Variants in NLRC5 observed in about 807,000 individuals in gnomAD.
NLRC5 encodes the protein protein NLRC5.
A neutral mutation model predicts 206.9 loss-of-function variants in NLRC5; 114 were observed. The ratio of observed to expected loss-of-function variants is 0.55; its 90% CI spans 0.47 to 0.64. The LOEUF (loss-of-function observed/expected upper bound fraction) is 0.64, where lower values mean the gene tolerates loss of function less well. Among genes scored for constraint, NLRC5 ranks in the 30% least tolerant of loss-of-function variants. NLRC5 has a pLI of 0.00. For missense variants in NLRC5, 2,008 were observed against 2,305.5 expected, an observed-to-expected ratio of 0.87 and a Z score of 2.64; for synonymous variants, 952 against 962.8, an observed-to-expected ratio of 0.99 and a Z score of 0.21.
At position 57,079,210 on chromosome 16, in the gene NLRC5, C is replaced by T; in HGVS notation, c.5166-11C>T. The T allele has an allele frequency of 6.2e-7, 1 of 1,614,040 alleles. No individual in the cohort carries two copies. Among genetic ancestry groups the T allele is most frequent in the Non-Finnish European group, 8.5e-7 (1 of 1,180,012 alleles). ...GGGGTTCCTCTCACAGGTATCTCCCCTACCCTGCAGCTTGGCGGAAAACAA... is the reference window on the plus strand; with the variant it reads ...GGGGTTCCTCTCACAGGTATCTCCCTTACCCTGCAGCTTGGCGGAAAACAA... On this transcript the variant is annotated splice_polypyrimidine_tract_variant and intron_variant, in intron 44 of 48. Coordinates refer to ENST00000688547, the MANE Select transcript of NLRC5 (RefSeq NM_001384950.1).
chr16:56,995,956 A>G (rs943747370), intron 1 of NLRC5, among the ~76,000 whole-genome samples: 2 of 152,190 alleles, frequency 1.3e-5, no homozygotes, highest in Admixed American at 1.3e-4. Context: ...TGAATCGTAA[A>G]GTGACAAATT....
chr16:57,067,592 AG>A, intron 35 of NLRC5, 122 bp downstream of exon 35: 3 of 1,342,918 alleles, frequency 2.2e-6, no homozygotes, highest in Non-Finnish European at 3.2e-6. Flanking sequence ...ACACTTGGCC[AG>A]TGGAGGGGAG....
At chr16:57,013,595 T>G (rs755541104) in intron 1 of NLRC5, 127 of 1,122,904 alleles carry the variant, frequency 1.1e-4, no homozygotes, top group Non-Finnish European at 1.6e-4. Context: ...CTCAACAAGT[T>G]GATTTTCAAG....
At chr16:57,075,912 C>T (rs7203049) in intron 39 of NLRC5, 36,182 of 152,652 alleles carry the variant, frequency 0.24, 5,740 homozygotes, top group African/African-American at 0.46. Context: ...TTATTTATTT[C>T]TATTTTATTT....
At chr16:57,065,339 T>G in intron 33 of NLRC5, 41 bp downstream of exon 33, 1 of 1,410,672 alleles carries the variant, frequency 7.1e-7, no homozygotes, top group Non-Finnish European at 9.6e-7. Flanking sequence ...TCTTCATCTT[T>G]CATAAGCATT....
At chr16:57,019,703 A>G (rs2060456690) in intron 2 of NLRC5, among the ~76,000 whole-genome samples, 2 of 152,314 alleles carry the variant, frequency 1.3e-5, no homozygotes, top group African/African-American at 4.8e-5. Context: ...AGAAGAATAG[A>G]CAACATTTCT....
At chr16:57,039,469 C>T (rs2063007079) in intron 15 of NLRC5, among the ~76,000 whole-genome samples, 1 of 152,112 alleles carries the variant, frequency 6.6e-6, no homozygotes, top group East Asian at 1.9e-4. Context: ...ACCTATCATC[C>T]CAGCACTTTG....
At chr16:57,078,466 GTT>G (rs71383218) in intron 43 of NLRC5, among the ~76,000 whole-genome samples, 44 of 92,200 alleles carry the variant, frequency 4.8e-4, no homozygotes, top group South Asian at 8.2e-4. Context: ...CTGGGACCTT[GTT>G]TTTTTTTTTT....
At chr16:57,067,299 C>G (rs1754411577) in intron 34 of NLRC5, 88 bp from the exon 35 acceptor site, 11 of 1,052,808 alleles carry the variant, frequency 1.0e-5, no homozygotes, top group Non-Finnish European at 1.5e-5. Flanking sequence ...TTATTTACCC[C>G]TACACCATAA....
intron 33 of NLRC5, 28 bp from the exon 34 acceptor site, chr16:57,066,506 C>T (rs1469635103): frequency 1.2e-6 from 2 of 1,611,198 alleles, no homozygotes; most frequent in South Asian, 1.1e-5. Context: ...GCTGCCCGAC[C>T]TCACGTTGGT....
intron 32 of NLRC5, chr16:57,062,757 T>C (rs1164767339): frequency 1.3e-5 from 2 of 152,400 alleles, no homozygotes; most frequent in African/African-American, 4.8e-5. Context: ...AAAATTATTA[T>C]AAAATACACA....
chr16:57,040,811 T>C (rs1870413339), intron 17 of NLRC5, 93 bp downstream of exon 17: 1 of 1,259,132 alleles, frequency 7.9e-7, no homozygotes, highest in Admixed American at 1.9e-5. Flanking sequence ...AGGCCCCACA[T>C]GCTCCCTGAA....
At chr16:57,063,668 C>T (rs1322734918) in intron 32 of NLRC5, among the ~76,000 whole-genome samples, 3 of 150,116 alleles carry the variant, frequency 2.0e-5, no homozygotes, top group African/African-American at 7.4e-5. Flanking sequence ...AGGCGTGAGC[C>T]ACCATGCCCA....
chr16:57,070,644 G>A (rs763174000), intron 38 of NLRC5, 26 bp downstream of exon 38: 2 of 1,597,734 alleles, frequency 1.3e-6, no homozygotes, highest in South Asian at 2.2e-5. Context: ...GGTTGTGGGT[G>A]AGTGAGTGGT....
chr16:57,051,346 C>T (rs1443120746), intron 23 of NLRC5, among the ~76,000 whole-genome samples, 192 bp from the exon 24 acceptor site: 2 of 152,196 alleles, frequency 1.3e-5, no homozygotes, highest in Non-Finnish European at 2.9e-5. Flanking sequence ...TTGGCTTAAC[C>T]CCGTATTTCC....
chr16:57,061,715 C>T lies in NLRC5; in HGVS notation c.4154+14C>T, dbSNP rs932502416. The T allele has an allele frequency of 2.4e-5, 39 of 1,594,982 alleles. No homozygotes were observed. The highest frequency in any genetic ancestry group is 1.7e-4 in the Middle Eastern group (1 of 6,002). On this transcript the variant is annotated intron_variant, in intron 32 of 48. Coordinates refer to ENST00000688547, the MANE Select transcript of NLRC5 (RefSeq NM_001384950.1). ...GTTCAGCCTCAGGTACCTCCTCCCC[C>T]GCTGCCTCCGGGAGGGGCCATGGCA...
intron 1 of NLRC5, among the ~76,000 whole-genome samples, chr16:57,015,353 TTGG>T (rs2059937187): frequency 2.0e-5 from 3 of 151,880 alleles, no homozygotes; most frequent in South Asian, 4.1e-4. Flanking sequence ...ACCAGGTGAA[TTGG>T]TGGGGGAGGT....
rs1185088904 is a variant in NLRC5 at position 57,006,138 on chromosome 16, A to G, written c.-127-10936A>G. On this transcript the variant is annotated intron_variant, in intron 1 of 48. Coordinates refer to ENST00000688547, the MANE Select transcript of NLRC5 (RefSeq NM_001384950.1). Reference sequence around the variant, plus strand: ...CTCAACCTTGCGGGTAGCTTGGACAACATGTGTGCACCACCACTCCTGGCT... The same window carrying G: ...CTCAACCTTGCGGGTAGCTTGGACAGCATGTGTGCACCACCACTCCTGGCT... 4.6e-5 allele frequency among the ~76,000 whole-genome samples: 7 copies of G among 151,204 alleles called. No homozygotes were observed. The South Asian group carries it at 8.4e-4, about 18-fold the overall frequency.
Position 57,076,820 on chromosome 16 carries a change from C to A in NLRC5, c.4753C>A (p.Leu1585Met), listed in dbSNP as rs755731811. 6.2e-7 allele frequency: 1 copy of A among 1,614,098 alleles called. No homozygotes were observed. Among genetic ancestry groups the A allele is most frequent in the East Asian group, 2.2e-5 (1 of 44,884 alleles). The change falls in exon 40 of 49, where the codon CTG becomes ATG. Residue 1585 changes from leucine (L) to methionine (M), a missense_variant and splice_region_variant. Transcript: ENST00000688547. ...TTGGTCTATTCCCTGCTTTTCCAGA[C>A]TGAACAGGAACAGTATCGGTGATGT... The part of the protein sequence containing the change: ...SQMTCLQSLR[L>M]NRNSIGDVGC...
Sources: allele counts gnomAD v4.1 joint callset (sites outside exome capture counted in the v4.1 genomes callset), GRCh38; gene constraint gnomAD v4.1.1; transcripts MANE v1.5; gene names NCBI Gene and HGNC (gene_info 2026-07-23, HGNC 2026-07-21).